MDGA2: variants seen among roughly 807,000 people sequenced by gnomAD.
The protein encoded by MDGA2 is MAM domain containing glycosylphosphatidylinositol anchor 2, also known as MAM domain-containing glycosylphosphatidylinositol anchor protein 2.
A neutral mutation model predicts 117.8 loss-of-function variants in MDGA2; 40 were observed. The ratio of observed to expected loss-of-function variants is 0.34; its 90% CI spans 0.26 to 0.44. MDGA2 has a LOEUF of 0.44. MDGA2 is among the 20% of genes least tolerant of loss of function. MDGA2 has a pLI of 1.00. For synonymous variants in MDGA2, 452 were observed against 439.0 expected (o/e 1.03, Z -0.37); for missense variants, 1,123 against 1,250.6 (o/e 0.90, Z 1.54).
chr14:47,571,140 C>T (rs1261765047), intron 1 of MDGA2, among the ~76,000 whole-genome samples: 1 of 152,036 alleles, frequency 6.6e-6, no homozygotes, highest in African/African-American at 2.4e-5. Context: ...ATGCAGCCAA[C>T]AAACATGAAA....
intron 1 of MDGA2, among the ~76,000 whole-genome samples, chr14:47,588,259 TATACACACACACACAC>T (rs1566528836): frequency 8.2e-6 from 1 of 122,398 alleles, no homozygotes; most frequent in East Asian, 2.1e-4. Flanking sequence ...TATATATATA[TATACACACACACACAC>T]ACACACACAC....
At chr14:47,326,852 C>A (rs1056718851) in intron 1 of MDGA2, among the ~76,000 whole-genome samples, 2 of 152,116 alleles carry the variant, frequency 1.3e-5, no homozygotes, top group Non-Finnish European at 2.9e-5. Context: ...TTCCTCTCTA[C>A]AGAGAAATCA....
chr14:47,309,355 C>A (rs909581735), intron 1 of MDGA2, among the ~76,000 whole-genome samples: 9 of 152,070 alleles, frequency 5.9e-5, no homozygotes, highest in African/African-American at 2.2e-4. Context: ...TTCCTGTCCA[C>A]TAGAGATAAA....
Position 47,061,543 on chromosome 14 carries a change from G to T in MDGA2, c.1231C>A (p.Pro411Thr), listed in dbSNP as rs745735005. The change falls in exon 7 of 17, where the codon CCT becomes ACT. Residue 411 changes from proline (P) to threonine (T), a missense_variant. By Grantham distance (38) the Pro-to-Thr change is conservative. Coordinates refer to ENST00000399232, the MANE Select transcript of MDGA2 (RefSeq NM_001113498.3). ...KKGRFWITPD[P>T]YHKDDNIQIG... ...TGGATGTTGTCATCTTTGTGATAAG[G>T]ATCTGGTGTGATCCAAAATCGTCCT... 2 of 1,611,784 alleles carry T rather than the reference G, an allele frequency of 1.2e-6. No individual in the cohort carries two copies. Among genetic ancestry groups the T allele is most frequent in the Non-Finnish European group, 8.5e-7 (1 of 1,178,534 alleles).
intron 6 of MDGA2, among the ~76,000 whole-genome samples, chr14:47,081,766 T>C (rs905283879): frequency 8.5e-5 from 13 of 152,100 alleles, no homozygotes; most frequent in Non-Finnish European, 1.5e-4. Flanking sequence ...ACATATCCAA[T>C]TAGGGAAGAA....
chr14:46,908,254 C>T (rs1486386879), intron 10 of MDGA2, among the ~76,000 whole-genome samples: 1 of 152,120 alleles, frequency 6.6e-6, no homozygotes, highest in Non-Finnish European at 1.5e-5. Context: ...ATGGAAATAG[C>T]TAAAGCTCTA....
chr14:47,576,289 T>C (rs1378393499), intron 1 of MDGA2, among the ~76,000 whole-genome samples: 1 of 152,182 alleles, frequency 6.6e-6, no homozygotes, highest in Non-Finnish European at 1.5e-5. Flanking sequence ...AAATATGTAT[T>C]TCTACAGTAT....
At chr14:47,442,068 G>A (rs759805387) in intron 1 of MDGA2, among the ~76,000 whole-genome samples, 7 of 152,224 alleles carry the variant, frequency 4.6e-5, no homozygotes, top group Non-Finnish European at 1.0e-4. Flanking sequence ...AGAAAATGTG[G>A]GGGCTCAAAC....
At chr14:47,412,605 T>TA (rs1319855442) in intron 1 of MDGA2, among the ~76,000 whole-genome samples, 4 of 152,216 alleles carry the variant, frequency 2.6e-5, no homozygotes, top group Non-Finnish European at 5.9e-5. Flanking sequence ...GTTGCAAAAA[T>TA]ACTTTTGAAA....
intron 2 of MDGA2, among the ~76,000 whole-genome samples, chr14:47,298,921 C>T (rs1224758969): frequency 1.3e-5 from 2 of 151,896 alleles, no homozygotes; most frequent in African/African-American, 4.8e-5. Flanking sequence ...CTCCTGACCT[C>T]GTGATCCGCC....
rs1349709652 is a variant in MDGA2, at chr14:47,491,050, G to A, written c.280+183467C>T. ...ACAGTGGGTAGACAAACAGATAGAGGATTAGATAGATAAACAAATCTAATC... is the reference window on the plus strand; with the variant it reads ...ACAGTGGGTAGACAAACAGATAGAGAATTAGATAGATAAACAAATCTAATC... On this transcript the variant is annotated intron_variant, in intron 1 of 16. Transcript: ENST00000399232. Among the ~76,000 whole-genome samples the A allele has an allele frequency of 3.9e-5, 6 of 152,224 alleles. No individual in the cohort carries two copies. In the East Asian group the frequency reaches 9.6e-4, roughly 24 times the overall value.
intron 1 of MDGA2, among the ~76,000 whole-genome samples, chr14:47,634,426 CACTT>C (rs1897290776): frequency 1.3e-5 from 2 of 152,118 alleles, no homozygotes; most frequent in Middle Eastern, 3.4e-3. Flanking sequence ...TGTGTAAGCT[CACTT>C]AATAAATTCT....
rs543452185 is a variant in MDGA2, at chr14:46,888,083, C to T, written c.2239-5862G>A. On this transcript the variant is annotated intron_variant, in intron 10 of 16. Coordinates refer to ENST00000399232, the MANE Select transcript of MDGA2 (RefSeq NM_001113498.3). ...TTATTACAAACTCCAGTGTCCATAA[C>T]TTCATATGTGTATTAAAAAAGCAAT... Among the ~76,000 whole-genome samples, 196 of 152,004 alleles carry T rather than the reference C, an allele frequency of 1.3e-3. 2 individuals are homozygous for T. The highest frequency in any genetic ancestry group is 4.5e-3 in the African/African-American group (187 of 41,516).
intron 1 of MDGA2, among the ~76,000 whole-genome samples, chr14:47,364,559 G>A (rs139398488): frequency 9.9e-5 from 15 of 152,186 alleles, no homozygotes; most frequent in Non-Finnish European, 2.1e-4. Context: ...CCACCGCGCC[G>A]GCCCCAGAAT....
At chr14:47,361,207 C>CTCTATA (rs61280975) in intron 1 of MDGA2, among the ~76,000 whole-genome samples, 4,181 of 140,390 alleles carry the variant, frequency 0.03, 80 homozygotes, top group Middle Eastern at 0.062. Context: ...CTCTCTCTCT[C>CTCTATA]TATATATATA....
chr14:47,095,456 C>T (rs889717483), intron 6 of MDGA2, among the ~76,000 whole-genome samples: 9 of 151,676 alleles, frequency 5.9e-5, no homozygotes, highest in African/African-American at 1.2e-4. Context: ...AATTATTTTG[C>T]TTTTATTGGC....
intron 1 of MDGA2, among the ~76,000 whole-genome samples, chr14:47,450,532 A>G (rs927959149): frequency 2.2e-4 from 34 of 152,260 alleles, no homozygotes; most frequent in African/African-American, 6.7e-4. Context: ...ATGTAAGGAT[A>G]AAATTTAAAA....
intron 3 of MDGA2, among the ~76,000 whole-genome samples, chr14:47,186,756 C>T (rs1884927093): frequency 6.6e-6 from 1 of 151,834 alleles, no homozygotes; most frequent in African/African-American, 2.4e-5. Context: ...TAATTTAATC[C>T]TTCTCAAATT....
At chr14:47,169,360 T>C (rs1219370033) in intron 3 of MDGA2, among the ~76,000 whole-genome samples, 1 of 151,870 alleles carries the variant, frequency 6.6e-6, no homozygotes, top group Non-Finnish European at 1.5e-5. Flanking sequence ...GCCAATGGCT[T>C]ATATGATGTT....
Sources: gnomAD v4.1 joint callset for allele counts (sites outside exome capture counted in the v4.1 genomes callset) on GRCh38, gnomAD v4.1.1 for gene constraint, MANE v1.5 for transcripts, NCBI Gene and HGNC (gene_info 2026-07-23, HGNC 2026-07-21) for gene names.